The following USH2A variants were observed in gnomAD, a reference collection of about 807,000 sequenced individuals.
USH2A encodes the protein Usher syndrome 2A (autosomal recessive, mild).
In USH2A, 443 loss-of-function variants were observed where a neutral mutation model predicts 538.9. The ratio of observed to expected loss-of-function variants is 0.82; its 90% CI spans 0.76 to 0.89. The LOEUF (loss-of-function observed/expected upper bound fraction) is 0.89. Among genes scored for constraint, USH2A ranks in the 40% least tolerant of loss-of-function variants. The pLI is 0.00. For missense variants in USH2A, 6,633 were observed against 6,324.8 expected (o/e 1.05, Z -1.65); for synonymous variants, 2,413 against 2,273.5 (o/e 1.06, Z -1.75).
At position 216,090,388 on chromosome 1, in the gene USH2A, G is replaced by C. The variant is rs974468345; in HGVS notation, c.4759-1249C>G. ...TGGTTCCTGTCGGGCCTCATAAAGA[G>C]CTCGACAACATGTATGACATACAGA... On this transcript the variant is annotated intron_variant, in intron 22 of 71. Transcript: ENST00000307340. Among the ~76,000 whole-genome samples the C allele has an allele frequency of 1.3e-3, 193 of 145,430 alleles. 3 individuals carry two copies. The highest frequency in any genetic ancestry group is 4.6e-3 in the African/African-American group (180 of 38,944).
chr1:216,029,615 C>T (rs1229091750), intron 32 of USH2A, among the ~76,000 whole-genome samples: 3 of 152,008 alleles, frequency 2.0e-5, no homozygotes, highest in East Asian at 3.9e-4. Flanking sequence ...AGCAAGGTAA[C>T]TGAAACAGAA....
At chr1:216,166,277 T>C (rs2034168293) in intron 21 of USH2A, among the ~76,000 whole-genome samples, 1 of 151,982 alleles carries the variant, frequency 6.6e-6, no homozygotes, top group Non-Finnish European at 1.5e-5. Context: ...GGTATCAATA[T>C]GTTCAAAGAG....
chr1:216,336,567 T>C (rs571535927), intron 4 of USH2A, among the ~76,000 whole-genome samples: 2 of 151,466 alleles, frequency 1.3e-5, no homozygotes, highest in African/African-American at 4.8e-5. Context: ...GAAAATCAAT[T>C]GCATACCTAC....
chr1:215,913,327 A>G (rs143050099), intron 38 of USH2A, among the ~76,000 whole-genome samples: 7 of 152,260 alleles, frequency 4.6e-5, no homozygotes, highest in Non-Finnish European at 7.4e-5. Context: ...AGGAGGGAGA[A>G]CAGAGGTGCT....
intron 59 of USH2A, 78 bp from the exon 60 acceptor site, chr1:215,741,615 G>T (rs1269324254): frequency 1.3e-6 from 2 of 1,504,698 alleles, no homozygotes; most frequent in Admixed American, 2.0e-5. Context: ...GAAGGGTAAT[G>T]ATATCATGAA....
intron 4 of USH2A, among the ~76,000 whole-genome samples, chr1:216,349,783 T>C (rs930374195): frequency 1.3e-5 from 2 of 152,242 alleles, no homozygotes; most frequent in African/African-American, 4.8e-5. Context: ...TCCTTGGGGC[T>C]GCTCTGCCTA....
At chr1:216,112,665 A>T (rs1229706316) in intron 21 of USH2A, among the ~76,000 whole-genome samples, 1 of 151,960 alleles carries the variant, frequency 6.6e-6, no homozygotes, top group Non-Finnish European at 1.5e-5. Flanking sequence ...TGTGTTCATG[A>T]GTTCTCATTA....
chr1:215,838,332 T>C (rs1182542147), intron 46 of USH2A, among the ~76,000 whole-genome samples: 4 of 152,196 alleles, frequency 2.6e-5, no homozygotes, highest in Non-Finnish European at 5.9e-5. Context: ...GGAATGATGA[T>C]GTTTACTCTC....
intron 3 of USH2A, among the ~76,000 whole-genome samples, chr1:216,369,160 T>C (rs2038654379): frequency 6.6e-6 from 1 of 152,200 alleles, no homozygotes; most frequent in Non-Finnish European, 1.5e-5. Context: ...AATAGAAATT[T>C]CTATTTCTAA....
At chr1:216,181,601 AAG>A (rs2034495535) in intron 20 of USH2A, among the ~76,000 whole-genome samples, 1 of 152,128 alleles carries the variant, frequency 6.6e-6, no homozygotes, top group Admixed American at 6.6e-5. Flanking sequence ...CCTACACATG[AAG>A]AGAGAAGAGG....
At chr1:216,356,816 C>T (rs944706237) in intron 4 of USH2A, among the ~76,000 whole-genome samples, 1 of 152,018 alleles carries the variant, frequency 6.6e-6, no homozygotes, top group Non-Finnish European at 1.5e-5. Flanking sequence ...ATTATATTCT[C>T]GAGATAGTGT....
At position 216,364,975 on chromosome 1, in the gene USH2A, C is replaced by A; in HGVS notation, c.762G>T (p.Val254=). 1 of 1,613,570 alleles carries A rather than the reference C, an allele frequency of 6.2e-7. No homozygotes were observed. Among genetic ancestry groups the A allele is most frequent in the South Asian group, 1.1e-5 (1 of 91,074 alleles). ...TACCATTTAAACTCTGTCCTATTTG[C>A]ACAGTACCAGATGCAAAATCTGTAA... The part of the protein sequence containing the change: ...GSITDFASGT[V]QIGQSLNGLE... Residue 254 remains valine (V), a synonymous_variant, in exon 4 of 72, where the codon GTG becomes GTT. Coordinates refer to ENST00000307340, the MANE Select transcript of USH2A (RefSeq NM_206933.4).
intron 64 of USH2A, among the ~76,000 whole-genome samples, chr1:215,656,617 G>A (rs1233271332): frequency 6.6e-6 from 1 of 152,122 alleles, no homozygotes; most frequent in Non-Finnish European, 1.5e-5. Context: ...TGAGATTTTT[G>A]TTCTTTATCC....
At chr1:215,677,377 T>G (rs575926000) in intron 62 of USH2A, among the ~76,000 whole-genome samples, 25 of 152,304 alleles carry the variant, frequency 1.6e-4, no homozygotes, top group African/African-American at 5.1e-4. Context: ...TATTTTTCAA[T>G]GATTTTAAAT....
chr1:216,118,192 A>G (rs1327979264), intron 21 of USH2A, among the ~76,000 whole-genome samples: 1 of 152,182 alleles, frequency 6.6e-6, no homozygotes, highest in Non-Finnish European at 1.5e-5. Flanking sequence ...TAAATACATG[A>G]AAAGTACTCA....
intron 21 of USH2A, among the ~76,000 whole-genome samples, chr1:216,102,417 A>G (rs1400383625): frequency 1.3e-5 from 2 of 150,444 alleles, no homozygotes; most frequent in Non-Finnish European, 3.0e-5. Context: ...AATTTATAAT[A>G]TATAATGTAA....
chr1:216,387,283 T>C (rs1254143705), intron 3 of USH2A, among the ~76,000 whole-genome samples: 2 of 152,206 alleles, frequency 1.3e-5, no homozygotes, highest in Admixed American at 6.5e-5. Context: ...TTTACTAAGC[T>C]ACAAAGTGAT....
At chr1:216,240,596 A>C (rs1360509401) in intron 13 of USH2A, among the ~76,000 whole-genome samples, 1 of 152,136 alleles carries the variant, frequency 6.6e-6, no homozygotes, top group Admixed American at 6.5e-5. Flanking sequence ...CAACCATTTA[A>C]ATTTTTTTAA....
rs1298972607 is a variant in USH2A, at chr1:216,274,781, G to A, written c.1971+14499C>T. 3.3e-5 allele frequency among the ~76,000 whole-genome samples: 5 copies of A among 152,196 alleles called. No individual in the cohort carries two copies. In the South Asian group the frequency reaches 8.3e-4, roughly 25 times the overall value. ...TTCTACATTGGTGTAAAACCAAGAT[G>A]TCTTTTCTTTTCCAGTCTACAATGC... On this transcript the variant is annotated intron_variant, in intron 11 of 71. Transcript: ENST00000307340.
Sources: gnomAD v4.1 joint callset for allele counts (sites outside exome capture counted in the v4.1 genomes callset) on GRCh38, gnomAD v4.1.1 for gene constraint, MANE v1.5 for transcripts, NCBI Gene and HGNC (gene_info 2026-07-23, HGNC 2026-07-21) for gene names.